Variants in FN1 observed in about 807,000 individuals in gnomAD.
The protein encoded by FN1 is fibronectin.
In FN1, 106 loss-of-function variants were observed where a neutral mutation model predicts 297.3. That is an observed-to-expected ratio of 0.36 (90% CI 0.30 to 0.42). The LOEUF is 0.42. Ranked by LOEUF, FN1 falls within the 10% of genes least tolerant of loss-of-function variation. The probability of loss-of-function intolerance (pLI) is 1.00; values close to 1 mark genes in which losing one functional copy is unlikely to be tolerated. For synonymous variants in FN1, 1,149 were observed against 1,152.6 expected (o/e 1.00, Z 0.06); for missense variants, 2,690 against 3,124.9 (o/e 0.86, Z 3.32).
In FN1 at chr2:215,407,283, T is replaced by G; in HGVS notation, c.2557A>C (p.Ser853Arg). The G allele has an allele frequency of 4.3e-6, 7 of 1,614,210 alleles. No individual in the cohort carries two copies. Among genetic ancestry groups the G allele is most frequent in the Non-Finnish European group, 5.9e-6 (7 of 1,180,026 alleles). Residue 853 changes from serine to arginine, a missense_variant, in exon 18 of 46, where the codon AGC becomes CGC. Coordinates refer to ENST00000354785, the MANE Select transcript of FN1 (RefSeq NM_212482.4). ...IVYSPSVEGS[S>R]TELNLPETAN... Reference sequence around the variant, plus strand: ...GTTTCAGGAAGGTTGAGTTCTGTGCTGCTACCTTCTACTGATGGCGAATAG... The same window carrying G: ...GTTTCAGGAAGGTTGAGTTCTGTGCGGCTACCTTCTACTGATGGCGAATAG...
chr2:215,416,987 C>T (rs2063515805), intron 12 of FN1, among the ~76,000 whole-genome samples: 2 of 152,116 alleles, frequency 1.3e-5, no homozygotes, highest in Non-Finnish European at 2.9e-5. Context: ...TGGAATTTAG[C>T]ATGTTTTTGT....
At chr2:215,390,511 A>T (rs537705969) in intron 26 of FN1, among the ~76,000 whole-genome samples, 65 of 152,224 alleles carry the variant, frequency 4.3e-4, no homozygotes, top group African/African-American at 1.5e-3. Flanking sequence ...AGAGGATAAT[A>T]ATGACTTTGC....
intron 36 of FN1, 23 bp downstream of exon 36, chr2:215,376,475 G>T: frequency 1.9e-6 from 3 of 1,608,362 alleles, no homozygotes; most frequent in Non-Finnish European, 2.6e-6. Flanking sequence ...AACAAATGTG[G>T]TTAGTGCAAT....
intron 5 of FN1, among the ~76,000 whole-genome samples, chr2:215,429,200 A>C (rs980841391): frequency 1.3e-5 from 2 of 152,144 alleles, no homozygotes; most frequent in Non-Finnish European, 1.5e-5. Flanking sequence ...TCTTTGACTA[A>C]AATATTATTT....
Position 215,376,488 on chromosome 2 carries a change from G to A in FN1, c.5887+10C>T, listed in dbSNP as rs370472055. On this transcript the variant is annotated intron_variant, in intron 36 of 45. Coordinates refer to ENST00000354785, the MANE Select transcript of FN1 (RefSeq NM_212482.4). ...TTAACAAATGTGGTTAGTGCAATGA[G>A]TTCCCTGACCTGTGATGGTGTAGCT... 46 of 1,613,280 alleles carry A rather than the reference G, an allele frequency of 2.9e-5. No homozygotes were observed. The highest frequency in any genetic ancestry group is 3.6e-5 in the Non-Finnish European group (43 of 1,179,292).
At chr2:215,401,214 G>GA (rs2061005774) in intron 20 of FN1, among the ~76,000 whole-genome samples, 1 of 37,028 alleles carries the variant, frequency 2.7e-5, no homozygotes, top group Non-Finnish European at 5.6e-5. Context: ...AAGAAAGAAA[G>GA]AAAGAAAGAA....
chr2:215,413,513 T>A (rs1165016870), intron 13 of FN1, among the ~76,000 whole-genome samples: 2 of 152,342 alleles, frequency 1.3e-5, no homozygotes, highest in East Asian at 3.9e-4. Context: ...ACAAGCCTAC[T>A]TTTTCCATGA....
rs1354422650 is a variant in FN1, at chr2:215,420,670, C to T, written c.1675+3G>A. 1 of 1,614,124 alleles carries T rather than the reference C, an allele frequency of 6.2e-7. No individual in the cohort carries two copies. Among genetic ancestry groups the T allele is most frequent in the Middle Eastern group, 1.7e-4 (1 of 6,060 alleles). The stretch of plus-strand genomic sequence containing the variant: ...ACTCATCTAGGGAAATAGGGCTACT[C>T]ACCGACGGGATCACACTTCCACCTG... On this transcript the variant is annotated splice_donor_region_variant and intron_variant, in intron 11 of 45. Transcript: ENST00000354785.
In FN1 at chr2:215,423,450, G is replaced by A. The variant is rs1335638403; in HGVS notation, c.1293C>T (p.Tyr431=). The A allele has an allele frequency of 1.9e-6, 3 of 1,614,068 alleles. No homozygotes were observed. Among genetic ancestry groups the A allele is most frequent in the Non-Finnish European group, 2.5e-6 (3 of 1,180,026 alleles). Residue 431 remains tyrosine (Y), a synonymous_variant, in exon 9 of 46, where the codon TAC becomes TAT. Transcript: ENST00000354785. ...HFPFLYNNHN[Y]TDCTSEGRRD... ...TTCTGCCCTCAGAAGTGCAATCAGT[G>A]TAATTGTGGTTGTTGTATAGGAAGG...
intron 1 of FN1, 115 bp downstream of exon 1, chr2:215,435,540 T>TAA: frequency 1.4e-6 from 2 of 1,472,506 alleles, no homozygotes; most frequent in Non-Finnish European, 1.9e-6. Flanking sequence ...TTTCTCTCAG[T>TAA]AAAGCGCGCA....
rs1046257266 is a variant in FN1, at chr2:215,378,189, A to G, written c.5696T>C (p.Val1899Ala). 3.7e-6 allele frequency: 6 copies of G among 1,602,762 alleles called. No individual in the cohort carries two copies. The highest frequency in any genetic ancestry group is 2.2e-5 in the East Asian group (1 of 44,762). Residue 1899 changes from valine (V) to alanine (A), a missense_variant, in exon 35 of 46, where the codon GTC (valine) becomes GCC (alanine). By Grantham distance (64) the Val-to-Ala change is moderately conservative (BLOSUM62 0). Around this residue, in one of 3 missense-constraint regions of FN1, gnomAD observed 1,743 missense variants for 1,945.2 expected, o/e 0.90. Transcript: ENST00000354785. ...TTGTTACTTACTCTCCAGAGTGGTG[A>G]CAACTCCCTGAGCTGGTCTGCTTGT... is the stretch of plus-strand genomic sequence containing the variant. ...TLTSRPAQGV[V>A]TTLENVSPPR...
chr2:215,382,178 C>T lies in FN1; in HGVS notation c.5164+34G>A, dbSNP rs748491755. 9.5e-6 allele frequency: 14 copies of T among 1,466,352 alleles called. No individual in the cohort carries two copies. The South Asian group carries it at 1.0e-4, about 11-fold the overall frequency. 90.8% of individuals were successfully genotyped at this position (1,466,352 alleles called of 1,614,324 possible). On this transcript the variant is annotated intron_variant, in intron 32 of 45. Transcript: ENST00000354785. ...TCAGACACCCAAGAACAAAATTTGA[C>T]TTTGAAAATGGAAACCAAGCAGTGG... is the stretch of plus-strand genomic sequence containing the variant.
chr2:215,391,517 A>G, intron 26 of FN1, 115 bp downstream of exon 26: 3 of 826,870 alleles, frequency 3.6e-6, no homozygotes, highest in Non-Finnish European at 6.3e-6. Flanking sequence ...TTCAGAGTTT[A>G]GTTTGTAGCT....
intron 15 of FN1, among the ~76,000 whole-genome samples, chr2:215,408,887 G>C (rs146939398): frequency 2.6e-5 from 4 of 152,212 alleles, no homozygotes; most frequent in Non-Finnish European, 4.4e-5. Context: ...GATTATTAAT[G>C]TACTATGGGA....
chr2:215,434,408 A>AT lies in FN1; in HGVS notation c.277+287dup, dbSNP rs34228975. On this transcript the variant is annotated intron_variant, in intron 2 of 45. Coordinates refer to ENST00000354785, the MANE Select transcript of FN1 (RefSeq NM_212482.4). ...CTAATAAATTAAAATTTTATAAGCA[A>AT]TTTTTTTTGTCGGAGGACACACAAA... Among the ~76,000 whole-genome samples the AT allele has an allele frequency of 0.52, 78,619 of 151,830 alleles. 21,021 individuals are homozygous for AT. Among genetic ancestry groups the AT allele is most frequent in the East Asian group, 0.93 (4,790 of 5,172 alleles).
At chr2:215,385,539 G>A (rs1358930833) in intron 28 of FN1, among the ~76,000 whole-genome samples, 17 of 147,512 alleles carry the variant, frequency 1.2e-4, no homozygotes, top group African/African-American at 4.3e-4. Flanking sequence ...TCCAGCCTGG[G>A]CGACAGAGCA....
intron 28 of FN1, among the ~76,000 whole-genome samples, chr2:215,385,863 C>T (rs575032657): frequency 6.0e-5 from 9 of 150,982 alleles, no homozygotes; most frequent in Non-Finnish European, 7.4e-5. Context: ...CTGCAACCTC[C>T]GCCTCCTGGG....
chr2:215,375,256 C>T lies in FN1; in HGVS notation c.6115G>A (p.Val2039Ile). The T allele has an allele frequency of 6.2e-7, 1 of 1,614,136 alleles. No homozygotes were observed. The highest frequency in any genetic ancestry group is 8.5e-7 in the Non-Finnish European group (1 of 1,180,022). Residue 2039 changes from valine to isoleucine, a missense_variant, in exon 38 of 46, where the codon GTC becomes ATC. By Grantham distance (29) the Val-to-Ile change is conservative. Coordinates refer to ENST00000354785, the MANE Select transcript of FN1 (RefSeq NM_212482.4). ...GTGACACCAGGGCGGGGCCGAGGGA[C>T]CACTTCTCTGGGAGGAGACCCAGGC... ...EKPGSPPREV[V>I]PRPRPGVTEA...
chr2:215,433,258 C>T, intron 3 of FN1, 66 bp downstream of exon 3: 1 of 1,585,414 alleles, frequency 6.3e-7, no homozygotes, highest in East Asian at 2.2e-5. Flanking sequence ...CAGAAAATGA[C>T]AGTGATGGTA....
Sources: allele counts gnomAD v4.1 joint callset (sites outside exome capture counted in the v4.1 genomes callset), GRCh38; gene constraint gnomAD v4.1.1; regional missense constraint gnomAD v4.1.1; transcripts MANE v1.5; gene names NCBI Gene and HGNC (gene_info 2026-07-23, HGNC 2026-07-21).